The following AGBL2 variants were observed in gnomAD, a reference collection of about 807,000 sequenced individuals.
AGBL2 encodes the protein cytosolic carboxypeptidase 2.
AGBL2 carries 87 observed loss-of-function variants against 103.0 expected under a neutral mutation model. That is an observed-to-expected ratio of 0.84 (90% CI 0.71 to 1.01). AGBL2 has a LOEUF of 1.01. Among genes scored for constraint, AGBL2 ranks in the 50% least tolerant of loss-of-function variants. The pLI, the probability that AGBL2 is intolerant of heterozygous loss-of-function variation, is 0.00. For missense variants in AGBL2, 904 were observed against 1,023.5 expected (o/e 0.88, Z 1.59); for synonymous variants, 335 against 356.7 (o/e 0.94, Z 0.69).
intron 14 of AGBL2, among the ~76,000 whole-genome samples, 195 bp downstream of exon 14, chr11:47,677,076 T>C (rs1358862662): frequency 6.6e-6 from 1 of 152,144 alleles, no homozygotes; most frequent in Non-Finnish European, 1.5e-5. Flanking sequence ...GGCATGATCT[T>C]GGCTCACTGT....
chr11:47,660,414 T>C, intron 18 of AGBL2, 68 bp from the exon 19 acceptor site: 1 of 1,488,184 alleles, frequency 6.7e-7, no homozygotes, highest in South Asian at 1.3e-5. Context: ...GTAGTTAGGG[T>C]TGGGGTTGGC....
intron 3 of AGBL2, among the ~76,000 whole-genome samples, chr11:47,712,854 T>C (rs1215520736): frequency 2.0e-5 from 3 of 151,932 alleles, no homozygotes; most frequent in African/African-American, 4.8e-5. Context: ...CTGGCCAACA[T>C]GGTGAAACCG....
intron 3 of AGBL2, among the ~76,000 whole-genome samples, chr11:47,713,693 A>C (rs1341842235): frequency 6.6e-6 from 1 of 150,664 alleles, no homozygotes; most frequent in African/African-American, 2.4e-5. Context: ...GGTTCACGCC[A>C]TTCTCCTGCC....
intron 2 of AGBL2, 106 bp from the exon 3 acceptor site, chr11:47,714,453 A>G: frequency 7.5e-7 from 1 of 1,329,200 alleles, no homozygotes; most frequent in Non-Finnish European, 1.1e-6. Context: ...AAACCAAGCG[A>G]GCTGCATTCC....
chr11:47,676,020 T>C (rs1036372154), intron 14 of AGBL2, among the ~76,000 whole-genome samples: 7 of 151,774 alleles, frequency 4.6e-5, no homozygotes, highest in Non-Finnish European at 7.4e-5. Flanking sequence ...AAAAAAGTCA[T>C]CTATCCAATG....
intron 13 of AGBL2, among the ~76,000 whole-genome samples, chr11:47,679,454 C>T (rs973185222): frequency 6.6e-6 from 1 of 151,808 alleles, no homozygotes; most frequent in African/African-American, 2.4e-5. Flanking sequence ...AGAGGTGTTC[C>T]AAAGGACTGT....
chr11:47,661,813 G>A (rs1056738678), intron 18 of AGBL2, among the ~76,000 whole-genome samples: 1 of 151,388 alleles, frequency 6.6e-6, no homozygotes, highest in Non-Finnish European at 1.5e-5. Flanking sequence ...GCAGTGGTGC[G>A]ATCTCTGCTC....
At chr11:47,713,977 GATAAAGACTATTTTAATGCCATAT>G in intron 3 of AGBL2, 1 of 262,544 alleles carries the variant, frequency 3.8e-6, no homozygotes, top group Non-Finnish European at 7.4e-6. Flanking sequence ...TGTCTTTCCA[GATAAAGACTATTTTAATGCCATAT>G]AGTAATTAAG....
intron 8 of AGBL2, among the ~76,000 whole-genome samples, chr11:47,692,611 A>G (rs1228758857): frequency 2.0e-5 from 3 of 151,184 alleles, no homozygotes; most frequent in Non-Finnish European, 4.4e-5. Context: ...ACGGAGTTTC[A>G]CCGTGTTAGC....
At chr11:47,668,533 C>G (rs2097347934) in intron 15 of AGBL2, among the ~76,000 whole-genome samples, 1 of 152,010 alleles carries the variant, frequency 6.6e-6, no homozygotes, top group African/African-American at 2.4e-5. Context: ...ATACTAATAA[C>G]CAAATATCTG....
In AGBL2 at chr11:47,670,547, C is replaced by T. The variant is rs1255529186; in HGVS notation, c.2148-1640G>A. On this transcript the variant is annotated intron_variant, in intron 14 of 18. Coordinates refer to ENST00000525123, the MANE Select transcript of AGBL2 (RefSeq NM_024783.4). ...GAGACCAAGATTACTTTTATCACCC[C>T]AATTTTCCTTCAAAAGTTTTGAATG... Among the ~76,000 whole-genome samples, 3 of 152,028 alleles carry T rather than the reference C, an allele frequency of 2.0e-5. No individual in the cohort carries two copies. The East Asian group carries it at 5.8e-4, about 29-fold the overall frequency.
chr11:47,671,810 G>C (rs1047860762), intron 14 of AGBL2, among the ~76,000 whole-genome samples: 3 of 152,180 alleles, frequency 2.0e-5, no homozygotes, highest in Non-Finnish European at 4.4e-5. Context: ...GGTAGAAAAT[G>C]TTAGCAAATG....
intron 14 of AGBL2, among the ~76,000 whole-genome samples, chr11:47,671,242 C>T (rs1238010855): frequency 2.6e-5 from 4 of 151,944 alleles, no homozygotes; most frequent in South Asian, 2.1e-4. Context: ...AGGCCAGGCG[C>T]GGTGGCTCAT....
chr11:47,686,094 T>C (rs762169838), intron 10 of AGBL2, 45 bp from the exon 11 acceptor site: 1 of 1,571,262 alleles, frequency 6.4e-7, no homozygotes, highest in Non-Finnish European at 8.7e-7. Context: ...CCCAAATGCA[T>C]ACAAATAATT....
chr11:47,711,831 G>A (rs1411650181), intron 3 of AGBL2, among the ~76,000 whole-genome samples: 6 of 152,126 alleles, frequency 3.9e-5, no homozygotes, highest in Admixed American at 1.3e-4. Context: ...CACCACGCCC[G>A]GCCTGAAGTT....
chr11:47,668,298 G>A (rs184855715), intron 15 of AGBL2, among the ~76,000 whole-genome samples: 3 of 149,286 alleles, frequency 2.0e-5, no homozygotes, highest in African/African-American at 7.4e-5. Flanking sequence ...CACGAGGTCA[G>A]GAGTTTGAGA....
chr11:47,689,637 G>A (rs1048164840), intron 10 of AGBL2, among the ~76,000 whole-genome samples: 2 of 152,134 alleles, frequency 1.3e-5, no homozygotes, highest in African/African-American at 2.4e-5. Flanking sequence ...TACAACATGC[G>A]ATATTGACTG....
At chr11:47,710,743 C>T in intron 3 of AGBL2, 1 of 584,440 alleles carries the variant, frequency 1.7e-6, no homozygotes. Flanking sequence ...TGAGAAGCAG[C>T]CTGGTGTAGT....
intron 10 of AGBL2, among the ~76,000 whole-genome samples, chr11:47,686,466 T>G (rs1304335812): frequency 6.7e-6 from 1 of 149,584 alleles, no homozygotes; most frequent in East Asian, 2.0e-4. Flanking sequence ...TTTTTTTTTT[T>G]TTTGTAGAGG....
Sources: gnomAD v4.1 joint callset for allele counts (sites outside exome capture counted in the v4.1 genomes callset) on GRCh38, gnomAD v4.1.1 for gene constraint, MANE v1.5 for transcripts, NCBI Gene and HGNC (gene_info 2026-07-23, HGNC 2026-07-21) for gene names.